Variants in HELZ observed in about 807,000 individuals in gnomAD.
HELZ encodes the protein helicase with zinc finger.
A neutral mutation model predicts 218.2 loss-of-function variants in HELZ; 23 were observed. The observed-to-expected ratio is 0.11, with a 90% CI of 0.08 to 0.15. The LOEUF is 0.15. Ranked by LOEUF, HELZ falls within the 10% of genes least tolerant of loss-of-function variation. The pLI, the probability that HELZ is intolerant of heterozygous loss-of-function variation, is 1.00. For missense variants in HELZ, 1,813 were observed against 2,353.7 expected (o/e 0.77, Z 4.75); for synonymous variants, 814 against 829.4 (o/e 0.98, Z 0.32).
In HELZ at chr17:67,184,749, A is replaced by G. The variant is rs548837953; in HGVS notation, c.1162+3570T>C. 2.0e-5 allele frequency among the ~76,000 whole-genome samples: 3 copies of G among 152,090 alleles called. No individual in the cohort carries two copies. The South Asian group carries it at 6.2e-4, about 32-fold the overall frequency. On this transcript the variant is annotated intron_variant, in intron 12 of 32. Transcript: ENST00000358691. Reference sequence around the variant, plus strand: ...GAAGATCACTTGAGCCTAGGAGTTCAAGGCTGCAGTGAGCTATAATCACAC... The same window carrying G: ...GAAGATCACTTGAGCCTAGGAGTTCGAGGCTGCAGTGAGCTATAATCACAC...
At chr17:67,130,381 T>TA (rs544394636) in intron 23 of HELZ, among the ~76,000 whole-genome samples, 3 of 152,044 alleles carry the variant, frequency 2.0e-5, no homozygotes, top group Admixed American at 2.0e-4. Context: ...AATGAATAAA[T>TA]AAAAAATAAG....
intron 32 of HELZ, among the ~76,000 whole-genome samples, chr17:67,082,112 C>T (rs1294797382): frequency 6.6e-6 from 1 of 152,184 alleles, no homozygotes; most frequent in Admixed American, 6.5e-5. Flanking sequence ...TCCGGCTCCC[C>T]TCATCAACCC....
chr17:67,196,614 G>A (rs1171883689), intron 7 of HELZ, among the ~76,000 whole-genome samples: 5 of 149,260 alleles, frequency 3.3e-5, no homozygotes, highest in Admixed American at 1.3e-4. Context: ...GGGTGCATGG[G>A]TGGGTGGATG....
At chr17:67,083,684 C>T (rs1374451211) in intron 32 of HELZ, among the ~76,000 whole-genome samples, 1 of 152,144 alleles carries the variant, frequency 6.6e-6, no homozygotes, top group Non-Finnish European at 1.5e-5. Flanking sequence ...AAATTTTCAA[C>T]CCATGCATTA....
rs112111165 is a variant in HELZ at position 67,133,239 on chromosome 17, G to A, written c.3182+2731C>T. Among the ~76,000 whole-genome samples the A allele has an allele frequency of 3.9e-3, 594 of 152,152 alleles. 5 individuals are homozygous for A. Among genetic ancestry groups the A allele is most frequent in the African/African-American group, 0.014 (563 of 41,506 alleles). On this transcript the variant is annotated intron_variant, in intron 23 of 32. Transcript: ENST00000358691. ...GTATATACCTTGACACTTCCCAGCT[G>A]AGTAGTAAGAAACAGGCAACTGCAG...
chr17:67,137,830 A>C, intron 22 of HELZ, 101 bp downstream of exon 22: 1 of 849,158 alleles, frequency 1.2e-6, no homozygotes, highest in Non-Finnish European at 1.7e-6. Flanking sequence ...TGAAATGAAC[A>C]CATAACTTCA....
Position 67,076,255 on chromosome 17 carries a change from G to A in HELZ, c.*1997C>T, listed in dbSNP as rs1212698161. 1 of 152,062 alleles carries A rather than the reference G, an allele frequency of 6.6e-6. No individual in the cohort carries two copies. The highest frequency in any genetic ancestry group is 1.5e-5 in the Non-Finnish European group (1 of 68,004). 9.4% of individuals were successfully genotyped at this position (152,062 alleles called of 1,614,324 possible). A position where few individuals can be genotyped will look rare whatever the true frequency, so the allele number is the denominator to read the frequency against. On this transcript the variant is annotated 3_prime_UTR_variant, in exon 33 of 33. Coordinates refer to ENST00000358691, the MANE Select transcript of HELZ (RefSeq NM_014877.4). ...CATCAGAGAGATCTAATTTTCATTC[G>A]GATATGTCTTGAGTTTTGTCACAGA...
intron 12 of HELZ, among the ~76,000 whole-genome samples, chr17:67,184,797 C>T (rs923622339): frequency 6.6e-6 from 1 of 151,444 alleles, no homozygotes; most frequent in Non-Finnish European, 1.5e-5. Context: ...GCCTGGGCAA[C>T]AGAGCAAGAC....
chr17:67,138,225 T>TAAAA, intron 21 of HELZ, 111 bp from the exon 22 acceptor site: 8 of 541,498 alleles, frequency 1.5e-5, no homozygotes, highest in South Asian at 7.3e-5. Flanking sequence ...AGATGTCATT[T>TAAAA]AAAAAAAAAA....
intron 3 of HELZ, chr17:67,224,795 C>A: frequency 1.7e-6 from 2 of 1,174,794 alleles, no homozygotes; most frequent in Non-Finnish European, 2.5e-6. Flanking sequence ...CCCCACAAAA[C>A]GACACAGTAC....
intron 31 of HELZ, among the ~76,000 whole-genome samples, chr17:67,090,217 T>C (rs2036538331): frequency 1.3e-5 from 2 of 152,174 alleles, no homozygotes; most frequent in South Asian, 4.1e-4. Flanking sequence ...TTACATTAAT[T>C]TATTTTCAAA....
chr17:67,220,022 G>A (rs184568488), intron 3 of HELZ, among the ~76,000 whole-genome samples: 177 of 152,260 alleles, frequency 1.2e-3, no homozygotes, highest in African/African-American at 4.2e-3. Flanking sequence ...ATTGCTTTCC[G>A]TGCCTGCATC....
intron 23 of HELZ, among the ~76,000 whole-genome samples, chr17:67,135,500 G>A (rs1307942170): frequency 6.6e-6 from 1 of 152,100 alleles, no homozygotes; most frequent in African/African-American, 2.4e-5. Flanking sequence ...CTCTCACCAC[G>A]CTATTTACAA....
chr17:67,102,141 C>G (rs1300650188), intron 31 of HELZ, among the ~76,000 whole-genome samples: 3 of 152,074 alleles, frequency 2.0e-5, no homozygotes, highest in Non-Finnish European at 4.4e-5. Flanking sequence ...TGAGAATAGT[C>G]TAAAAATTGA....
chr17:67,107,184 G>A lies in HELZ; in HGVS notation c.5226C>T (p.Leu1742=). 1 of 1,612,786 alleles carries A rather than the reference G, an allele frequency of 6.2e-7. No homozygotes were observed. Among genetic ancestry groups the A allele is most frequent in the East Asian group, 2.2e-5 (1 of 44,880 alleles). Residue 1742 remains leucine, a synonymous_variant, in exon 31 of 33, where the codon CTC becomes CTT. Coordinates refer to ENST00000358691, the MANE Select transcript of HELZ (RefSeq NM_014877.4). The part of the protein sequence containing the change: ...LSSRTVSSSS[L]PSLEEYEPRG... ...AGACATTTACCTCTTCTAAGCTAGG[G>A]AGCGAAGAAGAAGATACTGTTCGAG...
intron 9 of HELZ, among the ~76,000 whole-genome samples, chr17:67,193,689 C>T (rs1254141153): frequency 6.6e-6 from 1 of 152,128 alleles, no homozygotes; most frequent in Non-Finnish European, 1.5e-5. Flanking sequence ...GCATTCTAGC[C>T]TGGGCAATAG....
At chr17:67,231,096 A>G (rs2041025027) in intron 3 of HELZ, among the ~76,000 whole-genome samples, 1 of 152,190 alleles carries the variant, frequency 6.6e-6, no homozygotes, top group Non-Finnish European at 1.5e-5. Context: ...CAAATTGAGG[A>G]CCATTCTATT....
intron 23 of HELZ, among the ~76,000 whole-genome samples, chr17:67,133,287 T>G (rs1380763418): frequency 1.3e-5 from 2 of 152,196 alleles, no homozygotes; most frequent in Non-Finnish European, 2.9e-5. Flanking sequence ...AGTTAAAAAT[T>G]AGCCCTGGAT....
intron 20 of HELZ, among the ~76,000 whole-genome samples, chr17:67,147,549 C>T (rs1326774795): frequency 6.6e-6 from 1 of 152,068 alleles, no homozygotes; most frequent in Non-Finnish European, 1.5e-5. Flanking sequence ...ATGATCATGG[C>T]TCACTGAAGC....
Sources: allele counts gnomAD v4.1 joint callset (sites outside exome capture counted in the v4.1 genomes callset), GRCh38; gene constraint gnomAD v4.1.1; transcripts MANE v1.5; gene names NCBI Gene and HGNC (gene_info 2026-07-23, HGNC 2026-07-21).